NME7: variants seen among roughly 807,000 people sequenced by gnomAD.
The protein encoded by NME7 is NME/NM23 family member 7, also known as nucleoside diphosphate kinase 7.
In NME7, 41 loss-of-function variants were observed where a neutral mutation model predicts 49.1. That is an observed-to-expected ratio of 0.83 (90% CI 0.65 to 1.08). NME7 has a LOEUF of 1.08. NME7 is among the 50% of genes least tolerant of loss of function. The probability of loss-of-function intolerance (pLI) is 0.00; values close to 1 mark genes in which losing one functional copy is unlikely to be tolerated. For synonymous variants in NME7, 139 were observed against 150.6 expected (o/e 0.92, Z 0.56); for missense variants, 423 against 463.4 (o/e 0.91, Z 0.80).
In NME7 at chr1:169,322,455, T is replaced by G. The variant is rs150829698; in HGVS notation, c.278+662A>C. 203 of 152,296 alleles carry G rather than the reference T, an allele frequency of 1.3e-3. 2 individuals carry two copies. The highest frequency in any genetic ancestry group is 4.5e-3 in the African/African-American group (187 of 41,576). 9.4% of individuals were successfully genotyped at this position (152,296 alleles called of 1,614,324 possible). Reference sequence around the variant, plus strand: ...CCTCCAGACATTTCGATGACATAAATTTATTCATTCATATATTTAACAAAC... The same window carrying G: ...CCTCCAGACATTTCGATGACATAAAGTTATTCATTCATATATTTAACAAAC... On this transcript the variant is annotated intron_variant, in intron 3 of 11. Transcript: ENST00000367811.
intron 6 of NME7, among the ~76,000 whole-genome samples, chr1:169,290,239 A>G (rs1414949014): frequency 6.6e-6 from 1 of 152,076 alleles, no homozygotes; most frequent in Admixed American, 6.6e-5. Flanking sequence ...TGGCCAGTTA[A>G]AAGTTTCTCC....
chr1:169,362,378 T>A (rs1467238944), intron 1 of NME7, among the ~76,000 whole-genome samples: 1 of 152,220 alleles, frequency 6.6e-6, no homozygotes, highest in South Asian at 2.1e-4. Flanking sequence ...AGATACATAA[T>A]ATTAATATCT....
chr1:169,231,596 C>T (rs902519463), intron 9 of NME7, among the ~76,000 whole-genome samples: 1 of 152,158 alleles, frequency 6.6e-6, no homozygotes, highest in African/African-American at 2.4e-5. Flanking sequence ...CACATGTGTA[C>T]AGCAAACTAC....
chr1:169,342,151 C>A (rs1249544477), intron 1 of NME7, among the ~76,000 whole-genome samples: 1 of 152,112 alleles, frequency 6.6e-6, no homozygotes, highest in Non-Finnish European at 1.5e-5. Flanking sequence ...GTAATCCCCA[C>A]ATGTTGAGGC....
At chr1:169,237,537 C>T in intron 8 of NME7, 86 bp downstream of exon 8, 5 of 964,390 alleles carry the variant, frequency 5.2e-6, no homozygotes, top group African/African-American at 1.6e-5. Context: ...TTCATGAGTA[C>T]ACAGGGAACA....
chr1:169,270,114 A>G lies in NME7; in HGVS notation c.754+17189T>C, dbSNP rs998955317. Among the ~76,000 whole-genome samples, 2 of 134,062 alleles carry G rather than the reference A, an allele frequency of 1.5e-5. 1 individual carries two copies. The highest frequency in any genetic ancestry group is 3.5e-5 in the Non-Finnish European group (2 of 57,118). 87.9% of individuals were successfully genotyped at this position (134,062 alleles called of 152,430 possible). On this transcript the variant is annotated intron_variant, in intron 7 of 11. Transcript: ENST00000367811. Reference sequence around the variant, plus strand: ...AATTTTCTACACAGTTTCACAGAATAATAGAATAACTGGGTTTAAATGCTC... The same window carrying G: ...AATTTTCTACACAGTTTCACAGAATGATAGAATAACTGGGTTTAAATGCTC...
intron 3 of NME7, among the ~76,000 whole-genome samples, chr1:169,322,677 A>AAT (rs143850615): frequency 0.16 from 24,085 of 148,612 alleles, 2,165 homozygotes; most frequent in African/African-American, 0.24. Flanking sequence ...ATTAGATATA[A>AAT]ATATATATAT....
At chr1:169,305,739 C>T (rs1651149532) in intron 4 of NME7, among the ~76,000 whole-genome samples, 1 of 152,192 alleles carries the variant, frequency 6.6e-6, no homozygotes. Context: ...ACAGTATACA[C>T]CTGGGCATTG....
intron 10 of NME7, among the ~76,000 whole-genome samples, chr1:169,222,770 T>C (rs980603699): frequency 1.3e-5 from 2 of 152,230 alleles, no homozygotes; most frequent in African/African-American, 4.8e-5. Flanking sequence ...AAACTTGACA[T>C]TTTAAGTTTT....
chr1:169,132,787 A>C lies in NME7; in HGVS notation c.1129T>G (p.Ter377GluextTer5). The change falls in exon 12 of 12, where the codon TAG becomes GAG. Residue 377 changes from the stop codon to glutamate, a stop_lost. Coordinates refer to ENST00000367811, the MANE Select transcript of NME7 (RefSeq NM_013330.5). ...VQYFFKILDN[*>E] ...TGACTTCTTTACTTTCCACACCACT[A>C]ATTATCCAAGATCTTGAAGAAGTAT... is the stretch of plus-strand genomic sequence containing the variant. The C allele has an allele frequency of 1.9e-6, 3 of 1,613,154 alleles. No individual in the cohort carries two copies. Among genetic ancestry groups the C allele is most frequent in the Non-Finnish European group, 1.7e-6 (2 of 1,179,530 alleles).
chr1:169,253,774 GGTTGTT>G (rs1648756962), intron 7 of NME7, among the ~76,000 whole-genome samples: 1 of 151,790 alleles, frequency 6.6e-6, no homozygotes, highest in Admixed American at 6.6e-5. Flanking sequence ...TAGCATAAAG[GGTTGTT>G]GAATTTTGTC....
intron 9 of NME7, among the ~76,000 whole-genome samples, chr1:169,232,561 G>C (rs1049378812): frequency 6.6e-6 from 1 of 151,726 alleles, no homozygotes; most frequent in Non-Finnish European, 1.5e-5. Context: ...GGTGTTGGGG[G>C]GGGGGCAGGG....
At chr1:169,191,284 G>A (rs897537757) in intron 10 of NME7, among the ~76,000 whole-genome samples, 1 of 152,166 alleles carries the variant, frequency 6.6e-6, no homozygotes, top group East Asian at 1.9e-4. Context: ...TCTGCAATAA[G>A]GAGCATGGGT....
At chr1:169,325,913 A>G (rs190739007) in intron 1 of NME7, among the ~76,000 whole-genome samples, 2 of 152,202 alleles carry the variant, frequency 1.3e-5, no homozygotes, top group African/African-American at 4.8e-5. Flanking sequence ...CATCATATAT[A>G]TTTTTCATAT....
intron 11 of NME7, among the ~76,000 whole-genome samples, chr1:169,150,143 G>C (rs532382700): frequency 6.6e-6 from 1 of 152,226 alleles, no homozygotes; most frequent in African/African-American, 2.4e-5. Context: ...CTGTACTCTA[G>C]CCTGGGTGAC....
rs2101808576 is a variant in NME7, at chr1:169,140,467, T to C, written c.1099-7650A>G. 2.6e-5 allele frequency among the ~76,000 whole-genome samples: 4 copies of C among 152,310 alleles called. No homozygotes were observed. In the South Asian group the frequency reaches 8.3e-4, roughly 32 times the overall value. Reference sequence around the variant, plus strand: ...GTGGGCATGTAAGTTTCTGGGTGAATTTATAAAGTTGTAGCACATTATACA... The same window carrying C: ...GTGGGCATGTAAGTTTCTGGGTGAACTTATAAAGTTGTAGCACATTATACA... On this transcript the variant is annotated intron_variant, in intron 11 of 11. Coordinates refer to ENST00000367811, the MANE Select transcript of NME7 (RefSeq NM_013330.5).
intron 10 of NME7, among the ~76,000 whole-genome samples, chr1:169,169,913 CT>C (rs1195153468): frequency 6.6e-6 from 1 of 152,068 alleles, no homozygotes; most frequent in Non-Finnish European, 1.5e-5. Flanking sequence ...GCTGTATCAA[CT>C]TAATGGTAGT....
chr1:169,181,377 ACACACACAC>A lies in NME7; in HGVS notation c.991-11832_991-11824del, dbSNP rs1659926288. Among the ~76,000 whole-genome samples, 5 of 151,350 alleles carry A rather than the reference ACACACACAC, an allele frequency of 3.3e-5. 1 individual carries two copies. Among genetic ancestry groups the A allele is most frequent in the Non-Finnish European group, 4.4e-5 (3 of 67,702 alleles). On this transcript the variant is annotated intron_variant, in intron 10 of 11. Coordinates refer to ENST00000367811, the MANE Select transcript of NME7 (RefSeq NM_013330.5). ...CCCTCAAATTCCTACACACACACACACACACACACACACACACACACACATATATACACA... is the reference window on the plus strand; with the variant it reads ...CCCTCAAATTCCTACACACACACACAACACACACACACACATATATACACA...
chr1:169,363,398 A>C (rs925562683), intron 1 of NME7, among the ~76,000 whole-genome samples: 4 of 152,214 alleles, frequency 2.6e-5, no homozygotes, highest in African/African-American at 9.6e-5. Flanking sequence ...ACAATTAAAC[A>C]AAAGTTCATG....
Sources: allele counts gnomAD v4.1 joint callset (sites outside exome capture counted in the v4.1 genomes callset), GRCh38; gene constraint gnomAD v4.1.1; transcripts MANE v1.5; gene names NCBI Gene and HGNC (gene_info 2026-07-23, HGNC 2026-07-21).